XRCC5: variants seen among roughly 807,000 people sequenced by gnomAD.
The protein encoded by XRCC5 is DNA repair protein Ku80.
XRCC5 carries 12 observed loss-of-function variants against 95.7 expected under a neutral mutation model. The observed-to-expected ratio is 0.13, with a 90% confidence interval of 0.08 to 0.20. The LOEUF (loss-of-function observed/expected upper bound fraction) is 0.20, where lower values mean the gene tolerates loss of function less well. Ranked by LOEUF, XRCC5 falls within the 10% of genes least tolerant of loss-of-function variation. The pLI, the probability that XRCC5 is intolerant of heterozygous loss-of-function variation, is 1.00. For missense variants in XRCC5, 595 were observed against 873.9 expected (o/e 0.68, Z 4.02); for synonymous variants, 281 against 290.3 (o/e 0.97, Z 0.33).
At chr2:216,153,081 CT>C (rs1340312025) in intron 14 of XRCC5, among the ~76,000 whole-genome samples, 1 of 152,174 alleles carries the variant, frequency 6.6e-6, no homozygotes, top group Non-Finnish European at 1.5e-5. Flanking sequence ...AAGCCAGGCT[CT>C]TGGAAGAATA....
chr2:216,114,890 G>A (rs1340856460), intron 2 of XRCC5, among the ~76,000 whole-genome samples: 1 of 152,198 alleles, frequency 6.6e-6, no homozygotes. Context: ...CACTACGCAT[G>A]CGGCCCCCTC....
chr2:216,110,382 C>T (rs1696564836), intron 1 of XRCC5: 1 of 152,284 alleles, frequency 6.6e-6, no homozygotes, highest in East Asian at 1.9e-4. Flanking sequence ...CCCTAGTTCC[C>T]TCAACTCCTC....
chr2:216,204,191 T>G, intron 19 of XRCC5, 131 bp from the exon 20 acceptor site: 1 of 1,025,910 alleles, frequency 9.7e-7, no homozygotes. Flanking sequence ...TGATGTTTCT[T>G]TTGGGCCGTT....
intron 14 of XRCC5, among the ~76,000 whole-genome samples, chr2:216,149,089 T>G (rs1281617664): frequency 1.3e-5 from 2 of 152,186 alleles, no homozygotes; most frequent in African/African-American, 4.8e-5. Context: ...CTTTTCCCCT[T>G]TTTTATTTGA....
chr2:216,137,751 T>TA (rs1697109528), intron 11 of XRCC5, among the ~76,000 whole-genome samples: 1 of 152,236 alleles, frequency 6.6e-6, no homozygotes, highest in Non-Finnish European at 1.5e-5. Context: ...TCAGAGAACT[T>TA]ACTGTGGCCG....
chr2:216,159,958 C>A, intron 14 of XRCC5, 110 bp from the exon 15 acceptor site: 2 of 578,370 alleles, frequency 3.5e-6, no homozygotes, highest in South Asian at 2.9e-5. Flanking sequence ...TTTTTCTTTT[C>A]TTCTTCTTCT....
At chr2:216,205,105 T>A in intron 20 of XRCC5, 83 bp from the exon 21 acceptor site, 2 of 1,559,698 alleles carry the variant, frequency 1.3e-6, no homozygotes, top group East Asian at 2.2e-5. Context: ...GTAGAGTCAT[T>A]TTCATTAAAC....
At chr2:216,142,247 T>G (rs1697184334) in intron 13 of XRCC5, among the ~76,000 whole-genome samples, 1 of 152,150 alleles carries the variant, frequency 6.6e-6, no homozygotes, top group Admixed American at 6.5e-5. Context: ...GTAGGAGAGC[T>G]TATATGAACT....
chr2:216,117,099 G>A, intron 3 of XRCC5: 1 of 502,842 alleles, frequency 2.0e-6, no homozygotes, highest in East Asian at 3.3e-5. Flanking sequence ...ATAGGAAGGG[G>A]GAAGATCCTA....
intron 14 of XRCC5, 128 bp downstream of exon 14, chr2:216,148,404 A>G (rs1311785595): frequency 6.3e-6 from 5 of 789,638 alleles, no homozygotes; most frequent in Middle Eastern, 3.8e-4. Context: ...GCCTTTTGCT[A>G]TTTGGCCCTT....
chr2:216,203,805 C>T lies in XRCC5; in HGVS notation c.2110-517C>T, dbSNP rs565718859. On this transcript the variant is annotated intron_variant, in intron 19 of 20. Transcript: ENST00000392132. The stretch of plus-strand genomic sequence containing the variant: ...TTTCTTATGAGAAGTCCCCCTTTTA[C>T]TGCTTTTGTCCACAGTGGAATTTAA... Among the ~76,000 whole-genome samples, 20 of 149,932 alleles carry T rather than the reference C, an allele frequency of 1.3e-4. 1 individual carries two copies. In the East Asian group the frequency reaches 3.5e-3, roughly 26 times the overall value.
intron 10 of XRCC5, among the ~76,000 whole-genome samples, chr2:216,133,634 G>A (rs1326360363): frequency 6.6e-6 from 1 of 152,164 alleles, no homozygotes; most frequent in East Asian, 1.9e-4. Flanking sequence ...GCAGCCTTGT[G>A]GATTGTGTAA....
At chr2:216,174,922 C>T (rs543635569) in intron 16 of XRCC5, 19 of 350,046 alleles carry the variant, frequency 5.4e-5, no homozygotes, top group Middle Eastern at 4.1e-4. Flanking sequence ...ATATCCGTCA[C>T]GTCTACCGCC....
chr2:216,190,543 G>C (rs953906255), intron 17 of XRCC5, among the ~76,000 whole-genome samples: 1 of 152,174 alleles, frequency 6.6e-6, no homozygotes, highest in African/African-American at 2.4e-5. Flanking sequence ...AGTAGGTAGG[G>C]TGTTTTATCC....
At chr2:216,199,808 A>ATTT (rs879564899) in intron 19 of XRCC5, among the ~76,000 whole-genome samples, 2,250 of 121,760 alleles carry the variant, frequency 0.018, 107 homozygotes, top group East Asian at 0.097. Flanking sequence ...TGGCATTGGG[A>ATTT]TCTTTTTTTT....
chr2:216,164,627 T>C (rs1020116304), intron 16 of XRCC5, among the ~76,000 whole-genome samples: 4 of 152,096 alleles, frequency 2.6e-5, no homozygotes, highest in Non-Finnish European at 4.4e-5. Context: ...CTCAGCATCA[T>C]AGAAGTAGAA....
At chr2:216,117,923 A>G in intron 4 of XRCC5, 129 bp downstream of exon 4, 1 of 952,886 alleles carries the variant, frequency 1.0e-6, no homozygotes, top group Non-Finnish European at 1.6e-6. Context: ...GAAACATTTT[A>G]TAGAATTGAA....
chr2:216,125,962 T>A lies in XRCC5; in HGVS notation c.729T>A (p.His243Gln). 1 of 1,614,042 alleles carries A rather than the reference T, an allele frequency of 6.2e-7. No individual in the cohort carries two copies. Among genetic ancestry groups the A allele is most frequent in the Non-Finnish European group, 8.5e-7 (1 of 1,179,900 alleles). Residue 243 changes from histidine (H) to glutamine (Q), a missense_variant, in exon 7 of 21, where the codon CAT becomes CAA. Around this residue, in one of 2 missense-constraint regions of XRCC5, gnomAD observed 286 missense variants for 491.1 expected, o/e 0.58. Coordinates refer to ENST00000392132, the MANE Select transcript of XRCC5 (RefSeq NM_021141.4). ...GCGTCTTCAAGAAAATTGAGAGGCA[T>A]TCCATTCACTGGCCCTGCCGACTGA... ...KLCVFKKIER[H>Q]SIHWPCRLTI...
At chr2:216,159,930 T>C in intron 14 of XRCC5, 138 bp from the exon 15 acceptor site, 1 of 560,332 alleles carries the variant, frequency 1.8e-6, no homozygotes, top group Non-Finnish European at 3.0e-6. Flanking sequence ...GTTTTTCTTT[T>C]CTTTTTCTTC....
Sources: gnomAD v4.1 joint callset for allele counts (sites outside exome capture counted in the v4.1 genomes callset) on GRCh38, gnomAD v4.1.1 for gene constraint, gnomAD v4.1.1 regional missense constraint, MANE v1.5 for transcripts, NCBI Gene and HGNC (gene_info 2026-07-23, HGNC 2026-07-21) for gene names.